Variants in CD55 observed in about 807,000 individuals in gnomAD.
CD55 encodes the protein CD55 molecule (Cromer blood group).
Under a neutral mutation model 45.8 loss-of-function variants are expected in CD55, and 41 were observed. That is an observed-to-expected ratio of 0.90 (90% CI 0.70 to 1.16). The LOEUF (loss-of-function observed/expected upper bound fraction) is 1.16. CD55 is among the 50% of genes most tolerant of loss of function. The pLI is 0.00. For missense variants in CD55, 416 were observed against 469.8 expected, an observed-to-expected ratio of 0.89 and a Z score of 1.06; for synonymous variants, 181 against 181.1, an observed-to-expected ratio of 1.00 and a Z score of 0.01.
At chr1:207,353,897 T>G in intron 9 of CD55, 1 of 981,538 alleles carries the variant, frequency 1.0e-6, no homozygotes, top group South Asian at 2.0e-5. Flanking sequence ...GTGCCTTCAC[T>G]TGTCCACAGG....
At chr1:207,322,081 C>T (rs1167498479) in intron 1 of CD55, among the ~76,000 whole-genome samples, 1 of 152,172 alleles carries the variant, frequency 6.6e-6, no homozygotes, top group African/African-American at 2.4e-5. Context: ...TAGGGGTCGG[C>T]GTGGAGGGTT....
intron 4 of CD55, among the ~76,000 whole-genome samples, chr1:207,326,126 G>A (rs755445955): frequency 1.3e-5 from 2 of 152,172 alleles, no homozygotes; most frequent in Non-Finnish European, 2.9e-5. Context: ...ATGAGTTAAA[G>A]ACATTCCTAG....
intron 9 of CD55, among the ~76,000 whole-genome samples, chr1:207,355,887 A>G (rs1019808677): frequency 6.6e-6 from 1 of 152,216 alleles, no homozygotes; most frequent in Non-Finnish European, 1.5e-5. Flanking sequence ...GAAGCCTCTC[A>G]AACCTGTCAA....
At chr1:207,342,213 G>A (rs764570925) in intron 9 of CD55, among the ~76,000 whole-genome samples, 16 of 151,966 alleles carry the variant, frequency 1.1e-4, no homozygotes, top group Admixed American at 3.3e-4. Flanking sequence ...CTCTATTCCA[G>A]TTTGGATGCC....
intron 9 of CD55, among the ~76,000 whole-genome samples, chr1:207,350,654 A>G (rs1655832203): frequency 2.6e-5 from 4 of 152,162 alleles, no homozygotes; most frequent in Admixed American, 2.6e-4. Context: ...AGGTGTTCAA[A>G]ATAGTCTCTG....
intron 6 of CD55, 39 bp from the exon 7 acceptor site, chr1:207,336,654 A>G (rs1304323189): frequency 1.9e-6 from 3 of 1,609,986 alleles, no homozygotes; most frequent in Admixed American, 3.4e-5. Flanking sequence ...GTGGCCAGCA[A>G]TATTTAGCTA....
intron 7 of CD55, chr1:207,337,025 A>G (rs1468156209): frequency 1.4e-5 from 9 of 640,638 alleles, no homozygotes; most frequent in Non-Finnish European, 2.4e-5. Flanking sequence ...TGTTTCAGCT[A>G]CAGGAACCCT....
At chr1:207,340,692 A>G (rs1655390264) in intron 9 of CD55, 1 of 564,506 alleles carries the variant, frequency 1.8e-6, no homozygotes, top group African/African-American at 1.9e-5. Flanking sequence ...CCATTTGTAC[A>G]TTGATGGACA....
In CD55 at chr1:207,336,196, A is replaced by G. The variant is rs73085295; in HGVS notation, c.854-497A>G. Among the ~76,000 whole-genome samples the G allele has an allele frequency of 5.5e-3, 835 of 152,286 alleles. 8 individuals carry two copies. Among genetic ancestry groups the G allele is most frequent in the African/African-American group, 0.018 (758 of 41,558 alleles). On this transcript the variant is annotated intron_variant, in intron 6 of 9. Transcript: ENST00000367064. ...AGTTGGTAACCAGCACAAGAGAATT[A>G]AAAGGAGTTATTTTTACTCAGACTC...
intron 3 of CD55, among the ~76,000 whole-genome samples, 188 bp downstream of exon 3, chr1:207,324,938 A>C (rs947100766): frequency 2.0e-5 from 3 of 152,228 alleles, no homozygotes; most frequent in African/African-American, 7.2e-5. Flanking sequence ...TATTCATTCA[A>C]AAATTTCACA....
chr1:207,331,407 T>C (rs1654941019), intron 6 of CD55, 111 bp downstream of exon 6: 3 of 807,310 alleles, frequency 3.7e-6, no homozygotes, highest in Admixed American at 5.2e-5. Flanking sequence ...TGTTTACATA[T>C]ACATATTTGT....
At chr1:207,325,107 G>A (rs1654613822) in intron 3 of CD55, among the ~76,000 whole-genome samples, 1 of 152,138 alleles carries the variant, frequency 6.6e-6, no homozygotes, top group Non-Finnish European at 1.5e-5. Context: ...GACAGAGGCA[G>A]GTGGACCACT....
chr1:207,326,417 CTAT>C (rs1450062410), intron 4 of CD55, among the ~76,000 whole-genome samples: 2 of 152,102 alleles, frequency 1.3e-5, no homozygotes, highest in African/African-American at 4.8e-5. Flanking sequence ...TAAGTACATT[CTAT>C]TATTCTGTGA....
chr1:207,343,711 A>G (rs1572892866), intron 9 of CD55, among the ~76,000 whole-genome samples: 2 of 152,144 alleles, frequency 1.3e-5, no homozygotes, highest in African/African-American at 4.8e-5. Flanking sequence ...TTTAAATCCA[A>G]TGTTTCTTTG....
At chr1:207,338,051 C>G (rs1655263082) in intron 8 of CD55, among the ~76,000 whole-genome samples, 1 of 152,122 alleles carries the variant, frequency 6.6e-6, no homozygotes, top group Non-Finnish European at 1.5e-5. Flanking sequence ...TTGCCAGCAC[C>G]TGGATATTTT....
rs186881575 is a variant in CD55 at position 207,326,890 on chromosome 1, T to C, written c.664+53T>C. ...GATTGTGAGGCTGAGTACTCAATGA[T>C]AAATTAATTTCTGCCCCTTAAGAAT... On this transcript the variant is annotated intron_variant, in intron 5 of 9. Coordinates refer to ENST00000367064, the MANE Select transcript of CD55 (RefSeq NM_000574.5). The C allele has an allele frequency of 4.0e-5, 51 of 1,262,040 alleles. No individual in the cohort carries two copies. In the East Asian group the frequency reaches 9.1e-4, roughly 22 times the overall value. 78.2% of individuals were successfully genotyped at this position (1,262,040 alleles called of 1,614,324 possible).
At chr1:207,357,233 ATATTC>A (rs903429165) in intron 9 of CD55, among the ~76,000 whole-genome samples, 3 of 152,154 alleles carry the variant, frequency 2.0e-5, no homozygotes, top group African/African-American at 7.2e-5. Context: ...TATCAACAAA[ATATTC>A]TAGCTGTCAT....
chr1:207,326,181 G>A (rs970063310), intron 4 of CD55, among the ~76,000 whole-genome samples: 3 of 152,192 alleles, frequency 2.0e-5, no homozygotes, highest in Non-Finnish European at 4.4e-5. Flanking sequence ...TGTATAGGGA[G>A]AAGGAACTCA....
At chr1:207,358,871 G>A (rs962166865) in intron 9 of CD55, among the ~76,000 whole-genome samples, 1 of 152,082 alleles carries the variant, frequency 6.6e-6, no homozygotes, top group Non-Finnish European at 1.5e-5. Context: ...TTATTGTAAC[G>A]ATTAGATGCT....
Sources: gnomAD v4.1 joint callset for allele counts (sites outside exome capture counted in the v4.1 genomes callset) on GRCh38, gnomAD v4.1.1 for gene constraint, MANE v1.5 for transcripts, NCBI Gene and HGNC (gene_info 2026-07-23, HGNC 2026-07-21) for gene names.